VPS13B: variants seen among roughly 807,000 people sequenced by gnomAD.
VPS13B encodes vacuolar protein sorting 13 homolog B.
VPS13B carries 285 observed loss-of-function variants against 426.4 expected under a neutral mutation model. The observed-to-expected ratio is 0.67, with a 90% CI of 0.61 to 0.74. The LOEUF is 0.74. Ranked by LOEUF, VPS13B falls within the 30% of genes least tolerant of loss-of-function variation. The pLI, the probability that VPS13B is intolerant of heterozygous loss-of-function variation, is 0.00. For missense variants in VPS13B, 4,537 were observed against 4,782.6 expected (o/e 0.95, Z 1.51); for synonymous variants, 1,676 against 1,676.4 (o/e 1.00, Z 0.01).
intron 2 of VPS13B, among the ~76,000 whole-genome samples, chr8:99,033,376 C>A (rs1043521898): frequency 6.6e-6 from 1 of 152,116 alleles, no homozygotes; most frequent in South Asian, 2.1e-4. Context: ...CTCTCAATAT[C>A]TATATATTTT....
chr8:99,199,262 A>G (rs1054891979), intron 17 of VPS13B, among the ~76,000 whole-genome samples: 3 of 151,986 alleles, frequency 2.0e-5, no homozygotes, highest in Middle Eastern at 3.2e-3. Flanking sequence ...GCTCACTGCA[A>G]GCTCCGCCTC....
chr8:99,274,252 A>G lies in VPS13B; in HGVS notation c.2570A>G (p.Glu857Gly), dbSNP rs1465120937. Residue 857 changes from glutamate (E) to glycine (G), a missense_variant, in exon 18 of 62, where the codon GAA (glutamate) becomes GGA (glycine). Glu to Gly is a moderately conservative substitution (Grantham distance 98, BLOSUM62 -2). Around this residue, in one of 2 missense-constraint regions of VPS13B, gnomAD observed 4,311 missense variants for 4,474.3 expected, o/e 0.96. Transcript: ENST00000357162. ...PTLEGSIQNV[E>G]LKYCSTSLVK... ...CTTGAGGGCTCAATCCAGAATGTTG[A>G]ATTGAAGTACTGCAGCACATCATTG... is the stretch of plus-strand genomic sequence containing the variant. 6.2e-7 allele frequency: 1 copy of G among 1,614,028 alleles called. No homozygotes were observed. The highest frequency in any genetic ancestry group is 8.5e-7 in the Non-Finnish European group (1 of 1,180,004).
rs556086383 is a variant in VPS13B, at chr8:99,084,848, T to G, written c.292-11464T>G. Among the ~76,000 whole-genome samples the G allele has an allele frequency of 3.3e-5, 5 of 152,306 alleles. No homozygotes were observed. In the South Asian group the frequency reaches 1.0e-3, roughly 32 times the overall value. On this transcript the variant is annotated intron_variant, in intron 3 of 61. Coordinates refer to ENST00000357162, the MANE Select transcript of VPS13B (RefSeq NM_152564.5). ...TTGTTATAATTACTGTTCTTTTACA[T>G]TTGCTGAGGAGTGCTTTACTTCCGA...
At chr8:99,772,232 TA>T in intron 40 of VPS13B, among the ~76,000 whole-genome samples, 1 of 152,080 alleles carries the variant, frequency 6.6e-6, no homozygotes. Flanking sequence ...AAGTTAGATT[TA>T]AAGGAGTGTT....
At chr8:99,156,525 A>G (rs1262849447) in intron 14 of VPS13B, 24 bp from the exon 15 acceptor site, 1 of 1,612,414 alleles carries the variant, frequency 6.2e-7, no homozygotes, top group Non-Finnish European at 8.5e-7. Context: ...TTTAAAATAT[A>G]AAGCGAACAC....
At chr8:99,693,313 C>T (rs1359665933) in intron 35 of VPS13B, among the ~76,000 whole-genome samples, 6 of 150,128 alleles carry the variant, frequency 4.0e-5, no homozygotes, top group African/African-American at 1.2e-4. Context: ...ACTGGCAAAC[C>T]GAATCCAGCA....
At chr8:99,594,403 A>G (rs1826883104) in intron 33 of VPS13B, among the ~76,000 whole-genome samples, 1 of 151,968 alleles carries the variant, frequency 6.6e-6, no homozygotes, top group African/African-American at 2.4e-5. Context: ...CTGTTTCTTA[A>G]GCATTTTCCA....
intron 36 of VPS13B, among the ~76,000 whole-genome samples, chr8:99,714,930 TA>T (rs1832852741): frequency 6.6e-6 from 1 of 152,158 alleles, no homozygotes; most frequent in Non-Finnish European, 1.5e-5. Context: ...GGCAAAAATT[TA>T]AAAAGATGTG....
intron 30 of VPS13B, chr8:99,536,610 C>T (rs994164426): frequency 3.8e-6 from 2 of 530,590 alleles, no homozygotes; most frequent in South Asian, 1.4e-5. Flanking sequence ...ATCCTGGGAC[C>T]CCATTATCCT....
intron 53 of VPS13B, 69 bp downstream of exon 53, chr8:99,835,393 A>G: frequency 6.5e-7 from 1 of 1,548,012 alleles, no homozygotes; most frequent in South Asian, 1.1e-5. Context: ...TTGATTTAGT[A>G]GTTACCTGTG....
intron 43 of VPS13B, among the ~76,000 whole-genome samples, chr8:99,808,480 C>A (rs1281692304): frequency 6.8e-6 from 1 of 146,162 alleles, no homozygotes; most frequent in African/African-American, 2.6e-5. Flanking sequence ...CGTGTCACTG[C>A]ACTCCAGCCT....
intron 54 of VPS13B, among the ~76,000 whole-genome samples, chr8:99,848,189 TC>T (rs571760656): frequency 7.5e-4 from 114 of 152,338 alleles, no homozygotes; most frequent in Non-Finnish European, 1.3e-3. Context: ...TAGGTCTTAG[TC>T]CATATTCTCA....
rs1323084388 is a variant in VPS13B, at chr8:99,842,028, G to A, written c.9942+6290G>A. 2.0e-5 allele frequency among the ~76,000 whole-genome samples: 3 copies of A among 152,170 alleles called. No individual in the cohort carries two copies. In the East Asian group the frequency reaches 5.8e-4, roughly 29 times the overall value. Reference sequence around the variant, plus strand: ...TCCTGTTCCCCCTCTACAGGCCAGGGCTCAATCACCTCTTCCCGCCTTTCA... The same window carrying A: ...TCCTGTTCCCCCTCTACAGGCCAGGACTCAATCACCTCTTCCCGCCTTTCA... On this transcript the variant is annotated intron_variant, in intron 54 of 61. Transcript: ENST00000357162.
At chr8:99,810,469 G>A (rs1163018498) in intron 44 of VPS13B, among the ~76,000 whole-genome samples, 2 of 152,186 alleles carry the variant, frequency 1.3e-5, no homozygotes, top group African/African-American at 4.8e-5. Context: ...TGCTAGTGAG[G>A]TGAACAGTAG....
At chr8:99,689,296 C>G (rs920549050) in intron 35 of VPS13B, among the ~76,000 whole-genome samples, 1 of 152,124 alleles carries the variant, frequency 6.6e-6, no homozygotes, top group Non-Finnish European at 1.5e-5. Context: ...GTAGATCAAA[C>G]AGTAGTTTAG....
chr8:99,260,425 A>G (rs375611585), intron 17 of VPS13B, among the ~76,000 whole-genome samples: 235 of 152,224 alleles, frequency 1.5e-3, no homozygotes, highest in African/African-American at 5.2e-3. Context: ...TGGTGTGCTA[A>G]AGATAAGCAT....
Position 99,393,076 on chromosome 8 carries a change from G to GA in VPS13B, c.3082+1381dup, listed in dbSNP as rs202028258. On this transcript the variant is annotated intron_variant, in intron 21 of 61. Transcript: ENST00000357162. Reference sequence around the variant, plus strand: ...GTTAAGAAAATAAATGTCCATTAGTGAAAAAAAAATGGTAAGAATTACCTT... The same window carrying GA: ...GTTAAGAAAATAAATGTCCATTAGTGAAAAAAAAAATGGTAAGAATTACCTT... Among the ~76,000 whole-genome samples the GA allele has an allele frequency of 5.7e-3, 847 of 149,598 alleles. 3 individuals carry two copies. Among genetic ancestry groups the GA allele is most frequent in the African/African-American group, 0.014 (574 of 40,866 alleles).
intron 58 of VPS13B, among the ~76,000 whole-genome samples, chr8:99,865,986 G>A (rs747861232): frequency 4.6e-5 from 7 of 152,282 alleles, no homozygotes; most frequent in South Asian, 2.1e-4. Flanking sequence ...CTCCTCCTGC[G>A]CCTTCCAAGG....
intron 58 of VPS13B, among the ~76,000 whole-genome samples, chr8:99,863,560 C>T (rs534760035): frequency 6.6e-6 from 1 of 152,166 alleles, no homozygotes; most frequent in Non-Finnish European, 1.5e-5. Context: ...CCTTCCTGCC[C>T]GAGGGTTCCA....
Sources: allele counts gnomAD v4.1 joint callset (sites outside exome capture counted in the v4.1 genomes callset), GRCh38; gene constraint gnomAD v4.1.1; regional missense constraint gnomAD v4.1.1; transcripts MANE v1.5; gene names NCBI Gene and HGNC (gene_info 2026-07-23, HGNC 2026-07-21).